The following APC variants were observed in gnomAD, a reference collection of about 807,000 sequenced individuals.
APC encodes adenomatous polyposis coli protein.
A neutral mutation model predicts 247.0 loss-of-function variants in APC; 72 were observed. The observed-to-expected ratio is 0.29, with a 90% CI of 0.24 to 0.35. The LOEUF is 0.35. Among genes scored for constraint, APC ranks in the 10% least tolerant of loss-of-function variants. The pLI is 1.00. For synonymous variants in APC, 1,254 were observed against 1,162.5 expected (o/e 1.08, Z -1.60); for missense variants, 3,400 against 3,360.7 (o/e 1.01, Z -0.29).
chr5:112,825,598 T>C (rs1763569567), intron 11 of APC, among the ~76,000 whole-genome samples: 1 of 152,178 alleles, frequency 6.6e-6, no homozygotes, highest in Non-Finnish European at 1.5e-5. Flanking sequence ...ATGCCTGTAA[T>C]CCCAGCACTT....
chr5:112,845,054 T>G lies in APC; in HGVS notation c.*928T>G, dbSNP rs944441298. The G allele has an allele frequency of 1.3e-4, 29 of 231,396 alleles. No homozygotes were observed. Among genetic ancestry groups the G allele is most frequent in the East Asian group, 1.0e-3 (17 of 16,320 alleles). The allele number at this position is 231,396 out of a possible 1,614,324, so 14.3% of individuals were successfully genotyped here. ...TTAATAATTGTTTAAAATGCCTCTT[T>G]TAAAAGCTTATATAAATTTTTTTCT... On this transcript the variant is annotated 3_prime_UTR_variant, in exon 16 of 16. Transcript: ENST00000257430.
At chr5:112,835,229 G>A (rs1764755321) in intron 15 of APC, 64 bp downstream of exon 15, 1 of 1,371,538 alleles carries the variant, frequency 7.3e-7, no homozygotes, top group Non-Finnish European at 1.0e-6. Flanking sequence ...AGACCTAATT[G>A]TAAGCAATGT....
intron 14 of APC, among the ~76,000 whole-genome samples, chr5:112,831,562 A>C (rs1331996102): frequency 6.6e-6 from 1 of 151,922 alleles, no homozygotes; most frequent in East Asian, 1.9e-4. Context: ...ATTCAATATC[A>C]ATTCCCTCTC....
At chr5:112,797,863 A>C (rs893978328) in intron 7 of APC, among the ~76,000 whole-genome samples, 1 of 152,190 alleles carries the variant, frequency 6.6e-6, no homozygotes, top group Admixed American at 6.5e-5. Context: ...AGGAAATGCA[A>C]ATCAAAGCCC....
At chr5:112,801,088 A>G (rs2149710507) in intron 7 of APC, among the ~76,000 whole-genome samples, 191 bp from the exon 8 acceptor site, 1 of 152,246 alleles carries the variant, frequency 6.6e-6, no homozygotes, top group East Asian at 1.9e-4. Flanking sequence ...GACACACTTC[A>G]CTTTCCCCTT....
chr5:112,840,346 A>G lies in APC; in HGVS notation c.4752A>G (p.Pro1584=), dbSNP rs1554086150. 1 of 1,614,238 alleles carries G rather than the reference A, an allele frequency of 6.2e-7. No individual in the cohort carries two copies. Among genetic ancestry groups the G allele is most frequent in the East Asian group, 2.2e-5 (1 of 44,892 alleles). Reference sequence around the variant, plus strand: ...AAGAATGTATTATTTCTGCCATGCCAACAAAGTCATCACGTAAAGCAAAAA... The same window carrying G: ...AAGAATGTATTATTTCTGCCATGCCGACAAAGTCATCACGTAAAGCAAAAA... The part of the protein sequence containing the change: ...ILEECIISAM[P]TKSSRKAKKP... The change falls in exon 16 of 16, where the codon CCA becomes CCG. Residue 1584 remains proline (P), a synonymous_variant. Coordinates refer to ENST00000257430, the MANE Select transcript of APC (RefSeq NM_000038.6). The surrounding 1 kb of genome is among the most constrained non-coding windows in gnomAD (Gnocchi z 4.1).
At chr5:112,753,035 TTTCTCTGTTACTACC>T (rs1754554011) in intron 1 of APC, among the ~76,000 whole-genome samples, 1 of 152,146 alleles carries the variant, frequency 6.6e-6, no homozygotes, top group Admixed American at 6.5e-5. Flanking sequence ...TGCCCATTTT[TTTCTCTGTTACTACC>T]TTTTCTCTTA....
rs1766950684 is a variant in APC, at chr5:112,845,914, A to C, written c.*1788A>C. ...TTTAAGCATGGTGGGGCACTCAGAT[A>C]GGAGTGAATACACCTACCTGGTGCC... On this transcript the variant is annotated 3_prime_UTR_variant, in exon 16 of 16. Coordinates refer to ENST00000257430, the MANE Select transcript of APC (RefSeq NM_000038.6). The C allele has an allele frequency of 4.3e-6, 1 of 232,088 alleles. No homozygotes were observed. The highest frequency in any genetic ancestry group is 5.6e-5 in the Admixed American group (1 of 17,748). The allele number at this position is 232,088 out of a possible 1,614,324, so 14.4% of individuals were successfully genotyped here.
At chr5:112,727,545 G>T (rs1468079300) in intron 1 of APC, among the ~76,000 whole-genome samples, 1 of 152,010 alleles carries the variant, frequency 6.6e-6, no homozygotes, top group Non-Finnish European at 1.5e-5. Flanking sequence ...TCAGTATTGA[G>T]ATTTTTCTTA....
At chr5:112,731,087 C>T (rs945023429) in intron 1 of APC, among the ~76,000 whole-genome samples, 3 of 151,218 alleles carry the variant, frequency 2.0e-5, no homozygotes, top group Admixed American at 2.0e-4. Flanking sequence ...TTATATTTTA[C>T]AACGTAATTT....
At chr5:112,745,065 T>C (rs1753487020) in intron 1 of APC, among the ~76,000 whole-genome samples, 2 of 152,228 alleles carry the variant, frequency 1.3e-5, no homozygotes, top group African/African-American at 4.8e-5. Flanking sequence ...GATATCAGGC[T>C]TTCTGAATTT....
At chr5:112,732,350 G>C (rs1382370976) in intron 1 of APC, among the ~76,000 whole-genome samples, 1 of 152,140 alleles carries the variant, frequency 6.6e-6, no homozygotes, top group African/African-American at 2.4e-5. Context: ...TTCTTTCTTG[G>C]TGTTTTAAAA....
chr5:112,802,812 A>G (rs1403239842), intron 8 of APC, among the ~76,000 whole-genome samples: 4 of 152,148 alleles, frequency 2.6e-5, no homozygotes, highest in Non-Finnish European at 1.5e-5. Context: ...CAAACAACCA[A>G]GATCACATTA....
At position 112,837,818 on chromosome 5, in the gene APC, A is replaced by G. The variant is rs748046147; in HGVS notation, c.2224A>G (p.Ile742Val). ...NRPAKYKDAN[I>V]MSPGSSLPSL... Reference sequence around the variant, plus strand: ...GCCTGCGAAGTACAAGGATGCCAATATTATGTCTCCTGGCTCAAGCTTGCC... The same window carrying G: ...GCCTGCGAAGTACAAGGATGCCAATGTTATGTCTCCTGGCTCAAGCTTGCC... The change falls in exon 16 of 16, where the codon ATT becomes GTT. Residue 742 changes from isoleucine (I) to valine (V), a missense_variant. This residue lies in a region of APC where 91 missense variants were observed against 103.3 expected (regional missense o/e 0.88). Transcript: ENST00000257430. 6 of 1,614,066 alleles carry G rather than the reference A, an allele frequency of 3.7e-6. No individual in the cohort carries two copies. The South Asian group carries it at 4.4e-5, about 12-fold the overall frequency.
In APC at chr5:112,742,463, G is replaced by A. The variant is rs573578212; in HGVS notation, c.-19+4538G>A. Among the ~76,000 whole-genome samples, 3 of 152,346 alleles carry A rather than the reference G, an allele frequency of 2.0e-5. No individual in the cohort carries two copies. The South Asian group carries it at 6.2e-4, about 32-fold the overall frequency. ...AATGTCTTAGTTGGATGGTCTGACT[G>A]AGGCAGGATCTCTTATGAAGTAGCA... On this transcript the variant is annotated intron_variant, in intron 1 of 15. Coordinates refer to ENST00000257430, the MANE Select transcript of APC (RefSeq NM_000038.6).
chr5:112,776,938 C>T (rs1757726243), intron 5 of APC, among the ~76,000 whole-genome samples: 1 of 152,000 alleles, frequency 6.6e-6, no homozygotes, highest in Non-Finnish European at 1.5e-5. Context: ...AATTAAAATA[C>T]ACTAGGATTT....
At chr5:112,755,078 C>T (rs1754809237) in intron 2 of APC, 53 bp downstream of exon 2, 2 of 1,608,174 alleles carry the variant, frequency 1.2e-6, no homozygotes, top group Non-Finnish European at 1.7e-6. Flanking sequence ...TTCAGTATTC[C>T]CTCTTGTAAA....
chr5:112,815,665 G>C, intron 9 of APC, 72 bp downstream of exon 9: 1 of 1,208,778 alleles, frequency 8.3e-7, no homozygotes, highest in Non-Finnish European at 1.2e-6. Flanking sequence ...GCCAGGTGCA[G>C]TGGCTCACAC....
At position 112,842,341 on chromosome 5, in the gene APC, A is replaced by C. The variant is rs1196959150; in HGVS notation, c.6747A>C (p.Lys2249Asn). 1 of 1,613,966 alleles carries C rather than the reference A, an allele frequency of 6.2e-7. No homozygotes were observed. The highest frequency in any genetic ancestry group is 8.5e-7 in the Non-Finnish European group (1 of 1,179,882). The change falls in exon 16 of 16, where the codon AAA becomes AAC. Residue 2249 changes from lysine (K) to asparagine (N), a missense_variant. Lys to Asn is a moderately conservative substitution (Grantham distance 94). Coordinates refer to ENST00000257430, the MANE Select transcript of APC (RefSeq NM_000038.6). ...SSSSTSPVSK[K>N]GPPLKTPASK... ...CAAGTACAAGTCCTGTTTCTAAAAAAGGCCCACCCCTTAAGACTCCAGCCT... is the reference window on the plus strand; with the variant it reads ...CAAGTACAAGTCCTGTTTCTAAAAACGGCCCACCCCTTAAGACTCCAGCCT...
Sources: allele counts gnomAD v4.1 joint callset (sites outside exome capture counted in the v4.1 genomes callset), GRCh38; gene constraint gnomAD v4.1.1; regional missense constraint gnomAD v4.1.1; non-coding constraint Gnocchi (gnomAD v3.1); transcripts MANE v1.5; gene names NCBI Gene and HGNC (gene_info 2026-07-23, HGNC 2026-07-21).